The following JAG1 variants were observed in gnomAD, a reference collection of about 807,000 sequenced individuals.
JAG1 encodes the protein jagged canonical Notch ligand 1.
Under a neutral mutation model 148.7 loss-of-function variants are expected in JAG1, and 23 were observed. The observed-to-expected ratio is 0.15, with a 90% CI of 0.11 to 0.22. The LOEUF is 0.22. JAG1 is among the 10% of genes least tolerant of loss of function. JAG1 has a pLI of 1.00. For synonymous variants in JAG1, 572 were observed against 598.3 expected, an observed-to-expected ratio of 0.96 and a Z score of 0.64; for missense variants, 1,054 against 1,611.2, an observed-to-expected ratio of 0.65 and a Z score of 5.92.
chr20:10,670,335 T>C (rs189645892), intron 2 of JAG1, among the ~76,000 whole-genome samples: 1 of 152,220 alleles, frequency 6.6e-6, no homozygotes, highest in Non-Finnish European at 1.5e-5. Context: ...TTGTGCCTGC[T>C]AGGGGTTGGG....
In JAG1 at chr20:10,673,166, CAAAAAAA is replaced by C; in HGVS notation, c.82-167_82-161del. On this transcript the variant is annotated intron_variant, in intron 1 of 25. Coordinates refer to ENST00000254958, the MANE Select transcript of JAG1 (RefSeq NM_000214.3). This position sits in a 1 kb window ranked among gnomAD's most constrained non-coding sequence, Gnocchi z 4.7. ...TCAAGGACTCAACATGATTCCGGGG[CAAAAAAA>C]AAAAAAAATGCACGAGTGCGGAAGA... The C allele has an allele frequency of 1.7e-6, 1 of 590,684 alleles. No individual in the cohort carries two copies. The highest frequency in any genetic ancestry group is 2.9e-6 in the Non-Finnish European group (1 of 339,718). The allele number at this position is 590,684 out of a possible 1,614,324, so 36.6% of individuals were successfully genotyped here.
intron 11 of JAG1, 127 bp from the exon 12 acceptor site, chr20:10,648,849 C>T: frequency 9.7e-7 from 1 of 1,027,920 alleles, no homozygotes; most frequent in Admixed American, 2.0e-5. Context: ...AAATGCTAAA[C>T]CTCTGAAAGT....
Position 10,639,851 on chromosome 20 carries a change from G to T in JAG1, c.3304C>A (p.His1102Asn). 1 of 1,614,124 alleles carries T rather than the reference G, an allele frequency of 6.2e-7. No homozygotes were observed. Among genetic ancestry groups the T allele is most frequent in the Non-Finnish European group, 8.5e-7 (1 of 1,180,012 alleles). ...CLRKRRKPGS[H>N]THSASEDNTT... Reference sequence around the variant, plus strand: ...TTGTCCTCAGAGGCTGAGTGTGTGTGGCTGCCCGGCTTCCGCCGCTTCCGC... The same window carrying T: ...TTGTCCTCAGAGGCTGAGTGTGTGTTGCTGCCCGGCTTCCGCCGCTTCCGC... The change falls in exon 26 of 26, where the codon CAC becomes AAC. Residue 1102 changes from histidine to asparagine, a missense_variant. Physicochemically the swap from His to Asn is moderately conservative, Grantham distance 68 (BLOSUM62 1). This residue lies in a region of JAG1 where 177 missense variants were observed against 177.3 expected (regional missense o/e 1.00). Transcript: ENST00000254958.
In JAG1 at chr20:10,665,200, G is replaced by A. The variant is rs6040070; in HGVS notation, c.388-1186C>T. Among the ~76,000 whole-genome samples the A allele has an allele frequency of 1.2e-3, 179 of 152,314 alleles. 1 individual carries two copies. Among genetic ancestry groups the A allele is most frequent in the African/African-American group, 3.9e-3 (163 of 41,574 alleles). ...TAAGATAAAGGAAAAAGAGAAAAAG[G>A]GAGGGTAAAAGGGAGTTTCATTCAT... On this transcript the variant is annotated intron_variant, in intron 2 of 25. Transcript: ENST00000254958.
chr20:10,652,390 T>G, intron 6 of JAG1, 78 bp downstream of exon 6: 1 of 1,601,936 alleles, frequency 6.2e-7, no homozygotes, highest in African/African-American at 1.3e-5. Flanking sequence ...TAAAAGCCCC[T>G]GCCAATAAAA....
At chr20:10,642,035 T>G in intron 21 of JAG1, 143 bp from the exon 22 acceptor site, 1 of 722,156 alleles carries the variant, frequency 1.4e-6, no homozygotes, top group Non-Finnish European at 2.5e-6. Context: ...CATGTGTACT[T>G]CCTGCCTTTG....
chr20:10,648,472 G>T, intron 12 of JAG1, 77 bp downstream of exon 12: 2 of 1,223,962 alleles, frequency 1.6e-6, no homozygotes, highest in South Asian at 2.4e-5. Flanking sequence ...AAGAGCTGAG[G>T]GAAAAGTAAA....
rs1386015225 is a variant in JAG1 at position 10,643,841 on chromosome 20, C to T, written c.2395G>A (p.Asp799Asn). 1.2e-6 allele frequency: 2 copies of T among 1,614,116 alleles called. No individual in the cohort carries two copies. The highest frequency in any genetic ancestry group is 1.7e-6 in the Non-Finnish European group (2 of 1,180,008). ...HPCYNSGTCV[D>N]GDNWYRCECA... ...TCGCACCGGTACCAGTTGTCTCCAT[C>T]CACACAGGTGCCGCTGTTGTAACTA... The change falls in exon 20 of 26, where the codon GAT (aspartate) becomes AAT (asparagine). Residue 799 changes from aspartate (D) to asparagine (N), a missense_variant. This residue lies in a region of JAG1 where 342 missense variants were observed against 514.6 expected (regional missense o/e 0.66). Coordinates refer to ENST00000254958, the MANE Select transcript of JAG1 (RefSeq NM_000214.3).
In JAG1 at chr20:10,646,050, G is replaced by A. The variant is rs372121353; in HGVS notation, c.1920C>T (p.Asn640=). 2.0e-4 allele frequency: 323 copies of A among 1,613,464 alleles called. 3 individuals are homozygous for A. The highest frequency in any genetic ancestry group is 9.9e-4 in the Middle Eastern group (6 of 6,082). Residue 640 remains asparagine, a synonymous_variant, in exon 15 of 26, where the codon AAC becomes AAT. Coordinates refer to ENST00000254958, the MANE Select transcript of JAG1 (RefSeq NM_000214.3). ...TGACACCATCGATGCAAGTGCCACC[G>A]TTTCTACAAGGGTTGCTCTCACAGT... The part of the protein sequence containing the change: ...INDCESNPCR[N]GGTCIDGVNS...
At chr20:10,643,922 A>G (rs1293538256) in intron 19 of JAG1, 59 bp from the exon 20 acceptor site, 3 of 1,269,512 alleles carry the variant, frequency 2.4e-6, no homozygotes, top group Admixed American at 3.5e-5. Context: ...CTGGCTGCCA[A>G]TCACTCACAT....
chr20:10,670,285 C>G (rs1051493420), intron 2 of JAG1, among the ~76,000 whole-genome samples: 2 of 152,284 alleles, frequency 1.3e-5, no homozygotes, highest in Non-Finnish European at 2.9e-5. Flanking sequence ...TTGCTGATAC[C>G]CAGCGTCAGC....
rs561884911 is a variant in JAG1 at position 10,658,372 on chromosome 20, A to C, written c.694+96T>G. The C allele has an allele frequency of 2.6e-6, 4 of 1,530,012 alleles. No individual in the cohort carries two copies. In the Admixed American group the frequency reaches 6.7e-5, roughly 26 times the overall value. 94.8% of individuals were successfully genotyped at this position (1,530,012 alleles called of 1,614,324 possible). A position where few individuals can be genotyped will look rare whatever the true frequency, so the allele number is the denominator to read the frequency against. ...AGAATAACAGCCAAAATCCCACCCC[A>C]CCTGAGATAGCCGCATGCCACCTGC... On this transcript the variant is annotated intron_variant, in intron 4 of 25. Coordinates refer to ENST00000254958, the MANE Select transcript of JAG1 (RefSeq NM_000214.3).
intron 21 of JAG1, 33 bp downstream of exon 21, chr20:10,642,455 G>A: frequency 7.8e-7 from 1 of 1,283,192 alleles, no homozygotes; most frequent in Non-Finnish European, 1.1e-6. Flanking sequence ...CACCCCAGAA[G>A]ACCCATGGGC....
At chr20:10,653,295 T>C (rs1433386163) in intron 5 of JAG1, among the ~76,000 whole-genome samples, 1 of 148,794 alleles carries the variant, frequency 6.7e-6, no homozygotes, top group Non-Finnish European at 1.5e-5. Context: ...AAGAAAGCAG[T>C]CTGCTTAATT....
At chr20:10,659,884 A>G (rs184175372) in intron 3 of JAG1, among the ~76,000 whole-genome samples, 1 of 152,328 alleles carries the variant, frequency 6.6e-6, no homozygotes, top group African/African-American at 2.4e-5. Context: ...AGAGACAGGT[A>G]CAAAAATAGC....
At chr20:10,644,058 A>G (rs1340553981) in intron 19 of JAG1, among the ~76,000 whole-genome samples, 195 bp from the exon 20 acceptor site, 7 of 152,154 alleles carry the variant, frequency 4.6e-5, no homozygotes. Context: ...GTTGCAGCCC[A>G]GGCAGCGGGA....
In JAG1 at chr20:10,643,806, C is replaced by T. The variant is rs1450269980; in HGVS notation, c.2430G>A (p.Pro810=). The T allele has an allele frequency of 5.0e-6, 8 of 1,614,100 alleles. No homozygotes were observed. The highest frequency in any genetic ancestry group is 4.5e-5 in the East Asian group (2 of 44,868). The change falls in exon 20 of 26, where the codon CCG becomes CCA. Residue 810 remains proline (P), a synonymous_variant. Coordinates refer to ENST00000254958, the MANE Select transcript of JAG1 (RefSeq NM_000214.3). The part of the protein sequence containing the change: ...GDNWYRCECA[P]GFAGPDCRIN... Reference sequence around the variant, plus strand: ...TTCTGCAGTCGGGCCCAGCAAAACCCGGGGCACATTCGCACCGGTACCAGT... The same window carrying T: ...TTCTGCAGTCGGGCCCAGCAAAACCTGGGGCACATTCGCACCGGTACCAGT...
At position 10,650,276 on chromosome 20, in the gene JAG1, G is replaced by T. The variant is rs144204614; in HGVS notation, c.1205C>A (p.Pro402Gln). The T allele has an allele frequency of 1.5e-5, 25 of 1,612,912 alleles. No individual in the cohort carries two copies. Among genetic ancestry groups the T allele is most frequent in the Non-Finnish European group, 2.0e-5 (24 of 1,179,098 alleles). ...CTGGCACGTTTTCCCAGTCCACTGTGGGGGGCACACACACTTAAATCCGTT... is the reference window on the plus strand; with the variant it reads ...CTGGCACGTTTTCCCAGTCCACTGTTGGGGGCACACACACTTAAATCCGTT... ...LVNGFKCVCP[P>Q]QWTGKTCQLD... The change falls in exon 9 of 26, where the codon CCA becomes CAA. Residue 402 changes from proline (P) to glutamine (Q), a missense_variant. By Grantham distance (76) the Pro-to-Gln change is moderately conservative (BLOSUM62 -1). This residue lies in a region of JAG1 where 245 missense variants were observed against 373.1 expected (regional missense o/e 0.66). Transcript: ENST00000254958.
chr20:10,652,174 C>A lies in JAG1; in HGVS notation c.963G>T (p.Gln321His). 1 of 1,614,112 alleles carries A rather than the reference C, an allele frequency of 6.2e-7. No individual in the cohort carries two copies. Among genetic ancestry groups the A allele is most frequent in the Non-Finnish European group, 8.5e-7 (1 of 1,179,978 alleles). ...TCSNTGPDKY[Q>H]CSCPEGYSGP... ...CTGAATACCCCTCAGGGCAGGAACA[C>A]TGATATTTGTCAGGGCCTGTGTTGC... Residue 321 changes from glutamine to histidine, a missense_variant, in exon 7 of 26, where the codon CAG (glutamine) becomes CAT (histidine). Coordinates refer to ENST00000254958, the MANE Select transcript of JAG1 (RefSeq NM_000214.3).
Sources: gnomAD v4.1 joint callset for allele counts (sites outside exome capture counted in the v4.1 genomes callset) on GRCh38, gnomAD v4.1.1 for gene constraint, gnomAD v4.1.1 regional missense constraint, Gnocchi (gnomAD v3.1) non-coding constraint, MANE v1.5 for transcripts, NCBI Gene and HGNC (gene_info 2026-07-23, HGNC 2026-07-21) for gene names.